The following LGSN variants were observed in gnomAD, a reference collection of about 807,000 sequenced individuals.
LGSN encodes the protein lengsin.
In LGSN, 21 loss-of-function variants were observed where a neutral mutation model predicts 19.5. The ratio of observed to expected loss-of-function variants is 1.07; its 90% CI spans 0.76 to 1.55. The LOEUF is 1.55. Ranked by LOEUF, LGSN falls within the 40% of genes most tolerant of loss-of-function variation. LGSN has a pLI of 0.00. For synonymous variants in LGSN, 257 were observed against 215.6 expected (o/e 1.19, Z -1.68); for missense variants, 673 against 608.5 (o/e 1.11, Z -1.12).
chr6:63,407,214 G>A, the LGSN span, among the ~76,000 whole-genome samples: 1 of 151,962 alleles, frequency 6.6e-6, no homozygotes, highest in Non-Finnish European at 1.5e-5. Flanking sequence ...AAGCCGGGCA[G>A]AGACACAACC....
the LGSN span, among the ~76,000 whole-genome samples, chr6:63,462,272 G>T: frequency 6.6e-6 from 1 of 152,096 alleles, no homozygotes; most frequent in Non-Finnish European, 1.5e-5. Context: ...TCTGATTCGG[G>T]TATCTGATAC....
the LGSN span, among the ~76,000 whole-genome samples, chr6:63,539,275 A>G: frequency 8.3e-4 from 126 of 152,352 alleles, no homozygotes; most frequent in Middle Eastern, 6.8e-3. Flanking sequence ...ATATTAACAA[A>G]GAGATAAAGA....
At chr6:63,429,073 A>C in the LGSN span, among the ~76,000 whole-genome samples, 2 of 152,186 alleles carry the variant, frequency 1.3e-5, no homozygotes, top group African/African-American at 4.8e-5. Flanking sequence ...GCTAGACATT[A>C]CATGAGGCTT....
chr6:63,490,257 G>A, the LGSN span, among the ~76,000 whole-genome samples: 2 of 152,118 alleles, frequency 1.3e-5, no homozygotes, highest in South Asian at 2.1e-4. Flanking sequence ...CAGGTCATCC[G>A]TGTAAGGTTG....
At chr6:63,309,982 T>G (rs1213609026) in intron 1 of LGSN, among the ~76,000 whole-genome samples, 1 of 152,216 alleles carries the variant, frequency 6.6e-6, no homozygotes, top group African/African-American at 2.4e-5. Context: ...CAATTCTCCC[T>G]TCACCTTCAG....
At chr6:63,431,618 G>A in the LGSN span, among the ~76,000 whole-genome samples, 1 of 152,198 alleles carries the variant, frequency 6.6e-6, no homozygotes, top group South Asian at 2.1e-4. Context: ...TAGATATTAA[G>A]TATCTTTCTT....
At chr6:63,388,829 G>T in the LGSN span, among the ~76,000 whole-genome samples, 1 of 152,188 alleles carries the variant, frequency 6.6e-6, no homozygotes, top group African/African-American at 2.4e-5. Flanking sequence ...GTCTAATGTG[G>T]TTCTAATAGA....
chr6:63,331,861 G>T, the LGSN span, among the ~76,000 whole-genome samples: 2 of 152,068 alleles, frequency 1.3e-5, no homozygotes, highest in South Asian at 4.1e-4. Flanking sequence ...GGATTTAGTG[G>T]CCCATACCGA....
the LGSN span, among the ~76,000 whole-genome samples, chr6:63,524,152 T>C: frequency 6.6e-6 from 1 of 152,116 alleles, no homozygotes; most frequent in Non-Finnish European, 1.5e-5. Context: ...ACCCAGTTAA[T>C]TTTTGTGTTT....
the LGSN span, among the ~76,000 whole-genome samples, chr6:63,430,440 G>A: frequency 6.6e-6 from 1 of 152,038 alleles, no homozygotes; most frequent in Admixed American, 6.6e-5. Context: ...TCAAGCTGAA[G>A]TGAAGTGGTA....
chr6:63,361,146 A>G, the LGSN span, among the ~76,000 whole-genome samples: 2 of 152,230 alleles, frequency 1.3e-5, no homozygotes, highest in African/African-American at 2.4e-5. Context: ...TCAGATCTCA[A>G]GCTGCATGCT....
chr6:63,344,078 A>G, the LGSN span, among the ~76,000 whole-genome samples: 4 of 152,340 alleles, frequency 2.6e-5, no homozygotes, highest in South Asian at 8.3e-4. Flanking sequence ...ATGACAGCCC[A>G]GCCCAAAATC....
the LGSN span, among the ~76,000 whole-genome samples, chr6:63,454,875 C>T: frequency 1.7e-4 from 24 of 143,862 alleles, no homozygotes; most frequent in South Asian, 5.3e-3. Context: ...TCGCTGCAAC[C>T]TCCACGTCCT....
chr6:63,519,896 A>G, the LGSN span, among the ~76,000 whole-genome samples: 1 of 152,248 alleles, frequency 6.6e-6, no homozygotes, highest in Non-Finnish European at 1.5e-5. Flanking sequence ...TGCTACCACC[A>G]TACTTTATTT....
intron 1 of LGSN, among the ~76,000 whole-genome samples, chr6:63,303,724 A>T (rs1254982154): frequency 6.6e-6 from 1 of 152,154 alleles, no homozygotes; most frequent in Non-Finnish European, 1.5e-5. Flanking sequence ...GTACAGTCAA[A>T]CCCTTCATGG....
At chr6:63,299,624 C>T (rs1405467951) in intron 1 of LGSN, among the ~76,000 whole-genome samples, 1 of 152,072 alleles carries the variant, frequency 6.6e-6, no homozygotes, top group African/African-American at 2.4e-5. Context: ...GAAAGAAAAA[C>T]TATTTGGAAA....
At chr6:63,353,014 C>T in the LGSN span, among the ~76,000 whole-genome samples, 2 of 152,072 alleles carry the variant, frequency 1.3e-5, no homozygotes, top group African/African-American at 2.4e-5. Flanking sequence ...ACGCTGAAGA[C>T]AGACACGTGA....
At position 63,285,592 on chromosome 6, in the gene LGSN, A is replaced by G. The variant is rs1328462193; in HGVS notation, c.325T>C (p.Phe109Leu). 1.9e-6 allele frequency: 3 copies of G among 1,612,378 alleles called. No homozygotes were observed. The highest frequency in any genetic ancestry group is 2.5e-6 in the Non-Finnish European group (3 of 1,178,944). Reference protein sequence around the residue: ...SRSKTIPAHFFQEKVSHGVCM... With the variant: ...SRSKTIPAHFLQEKVSHGVCM... ...CACAACTGTGTAAAACTCACTTGAA[A>G]AAAGTGTGCAGGGATAGTCTTAGAC... is the stretch of plus-strand genomic sequence containing the variant. Residue 109 changes from phenylalanine to leucine, a missense_variant, in exon 3 of 4, where the codon TTT (phenylalanine) becomes CTT (leucine). By Grantham distance (22) the Phe-to-Leu change is conservative. Coordinates refer to ENST00000370657, the MANE Select transcript of LGSN (RefSeq NM_016571.3).
At chr6:63,465,606 A>G in the LGSN span, among the ~76,000 whole-genome samples, 114 of 152,312 alleles carry the variant, frequency 7.5e-4, no homozygotes, top group Non-Finnish European at 1.4e-3. Flanking sequence ...TTTATTGTTT[A>G]CTGATGGTCA....
Sources: allele counts gnomAD v4.1 joint callset (sites outside exome capture counted in the v4.1 genomes callset), GRCh38; gene constraint gnomAD v4.1.1; transcripts MANE v1.5; gene names NCBI Gene and HGNC (gene_info 2026-07-23, HGNC 2026-07-21).